ILDR1: variants seen among roughly 807,000 people sequenced by gnomAD.
ILDR1 encodes the protein immunoglobulin like domain containing receptor 1.
A neutral mutation model predicts 62.4 loss-of-function variants in ILDR1; 56 were observed. The ratio of observed to expected loss-of-function variants is 0.90; its 90% CI spans 0.72 to 1.12. The LOEUF is 1.12. Ranked by LOEUF, ILDR1 falls within the 50% of genes most tolerant of loss-of-function variation. The pLI is 0.00. For synonymous variants in ILDR1, 284 were observed against 277.8 expected (o/e 1.02, Z -0.22); for missense variants, 736 against 710.6 (o/e 1.04, Z -0.41).
At chr3:122,042,589 A>C in the ILDR1 span, among the ~76,000 whole-genome samples, 1 of 150,272 alleles carries the variant, frequency 6.7e-6, no homozygotes, top group African/African-American at 2.5e-5. Context: ...TTGTTTCCTG[A>C]CTTTTAAATG....
In ILDR1 at chr3:121,988,003, C is replaced by T; in HGVS notation, c.*364G>A. The T allele has an allele frequency of 2.7e-6, 1 of 366,622 alleles. No individual in the cohort carries two copies. Among genetic ancestry groups the T allele is most frequent in the Non-Finnish European group, 5.3e-6 (1 of 189,270 alleles). 22.7% of individuals were successfully genotyped at this position (366,622 alleles called of 1,614,324 possible). Reference sequence around the variant, plus strand: ...TCCTGGCTCATTGCAGCCTTGCACTCCTGGGCTCAAGGGATCCTTCTGCCT... The same window carrying T: ...TCCTGGCTCATTGCAGCCTTGCACTTCTGGGCTCAAGGGATCCTTCTGCCT... On this transcript the variant is annotated 3_prime_UTR_variant, in exon 8 of 8. Coordinates refer to ENST00000344209, the MANE Select transcript of ILDR1 (RefSeq NM_001199799.2).
chr3:122,006,900 T>C, intron 2 of ILDR1, 91 bp downstream of exon 2: 1 of 1,388,924 alleles, frequency 7.2e-7, no homozygotes, highest in South Asian at 1.3e-5. Context: ...CTACCAAGAT[T>C]TGTAATCCTA....
chr3:122,043,263 C>G, the ILDR1 span, among the ~76,000 whole-genome samples: 3 of 151,394 alleles, frequency 2.0e-5, no homozygotes, highest in African/African-American at 4.9e-5. Context: ...CTGTTCTGTT[C>G]CATTGATCTA....
chr3:122,007,903 A>G (rs1576728499), intron 1 of ILDR1, among the ~76,000 whole-genome samples: 1 of 151,828 alleles, frequency 6.6e-6, no homozygotes, highest in Non-Finnish European at 1.5e-5. Context: ...GGGCCTCCCT[A>G]TTTTTTTCCT....
chr3:122,061,573 G>C, the ILDR1 span, among the ~76,000 whole-genome samples: 1 of 152,038 alleles, frequency 6.6e-6, no homozygotes, highest in Non-Finnish European at 1.5e-5. Flanking sequence ...TTTCCCCAAA[G>C]AAAATATACA....
At position 121,997,124 on chromosome 3, in the gene ILDR1, C is replaced by A. The variant is rs142646242; in HGVS notation, c.647-2811G>T. On this transcript the variant is annotated intron_variant, in intron 5 of 7. Transcript: ENST00000344209. ...CCATGTTGGCCAGGCTGGTTTTGAA[C>A]TCCTGACCTCAGGCGATCTGCCTGC... 7.0e-3 allele frequency among the ~76,000 whole-genome samples: 1,064 copies of A among 152,302 alleles called. 11 individuals carry two copies. The highest frequency in any genetic ancestry group is 0.024 in the African/African-American group (994 of 41,562).
At chr3:122,040,728 A>G in the ILDR1 span, among the ~76,000 whole-genome samples, 129 of 112,762 alleles carry the variant, frequency 1.1e-3, no homozygotes, top group African/African-American at 6.1e-3. Context: ...AGATGCAAAA[A>G]AAAAAAAAGA....
chr3:122,017,167 G>A (rs1484561557), intron 1 of ILDR1, among the ~76,000 whole-genome samples: 1 of 152,154 alleles, frequency 6.6e-6, no homozygotes, highest in Non-Finnish European at 1.5e-5. Flanking sequence ...TCCTGCCTCA[G>A]CCTCCCGAGT....
chr3:122,044,905 G>T, the ILDR1 span, among the ~76,000 whole-genome samples: 38 of 148,942 alleles, frequency 2.6e-4, 1 homozygote, highest in Non-Finnish European at 2.7e-4. Flanking sequence ...GGTTTTTTGT[G>T]TCTCTATTTC....
At chr3:122,055,613 G>GGA in the ILDR1 span, 2 of 992,486 alleles carry the variant, frequency 2.0e-6, no homozygotes, top group East Asian at 4.8e-5. Flanking sequence ...GTTCCTAAGT[G>GGA]GAGAAGCTTT....
the ILDR1 span, among the ~76,000 whole-genome samples, chr3:122,040,485 A>G: frequency 6.6e-6 from 1 of 151,884 alleles, no homozygotes; most frequent in Non-Finnish European, 1.5e-5. Flanking sequence ...ATCTTAGAAA[A>G]CTGAAGAAAA....
intron 5 of ILDR1, among the ~76,000 whole-genome samples, chr3:121,994,763 G>A (rs925238935): frequency 3.9e-5 from 6 of 152,284 alleles, no homozygotes; most frequent in Middle Eastern, 6.8e-3. Flanking sequence ...TGCTCAGAGT[G>A]AAGGAAAAAG....
At chr3:122,054,333 T>G in the ILDR1 span, among the ~76,000 whole-genome samples, 1 of 152,228 alleles carries the variant, frequency 6.6e-6, no homozygotes, top group African/African-American at 2.4e-5. Context: ...TTAATTCATT[T>G]ATTATTCTGG....
At chr3:122,003,729 G>A (rs1190765902) in intron 3 of ILDR1, among the ~76,000 whole-genome samples, 1 of 152,104 alleles carries the variant, frequency 6.6e-6, no homozygotes, top group Non-Finnish European at 1.5e-5. Flanking sequence ...CAGGGTTTGA[G>A]CCAAAGGTGG....
At position 122,001,878 on chromosome 3, in the gene ILDR1, A is replaced by G. The variant is rs777602547; in HGVS notation, c.380-14T>C. 6.2e-7 allele frequency: 1 copy of G among 1,612,950 alleles called. No homozygotes were observed. Among genetic ancestry groups the G allele is most frequent in the East Asian group, 2.2e-5 (1 of 44,872 alleles). On this transcript the variant is annotated splice_polypyrimidine_tract_variant and intron_variant, in intron 3 of 7. Coordinates refer to ENST00000344209, the MANE Select transcript of ILDR1 (RefSeq NM_001199799.2). The stretch of plus-strand genomic sequence containing the variant: ...CGAGATCTGCTCCTACACAGTAAGG[A>G]GGGAGAAAGTGCCAGTGTCAGAGGA...
the ILDR1 span, among the ~76,000 whole-genome samples, chr3:122,045,083 CT>C: frequency 1.3e-5 from 2 of 152,062 alleles, no homozygotes; most frequent in Non-Finnish European, 2.9e-5. Flanking sequence ...CTACACACTG[CT>C]TTAAATGCAT....
chr3:122,022,988 G>A (rs2071886986), upstream of ILDR1, among the ~76,000 whole-genome samples: 1 of 150,680 alleles, frequency 6.6e-6, no homozygotes, highest in East Asian at 1.9e-4. Context: ...AGATAAACTA[G>A]AGAAGTTGAC....
At chr3:121,993,997 A>G (rs1339033198) in intron 6 of ILDR1, 27 bp from the exon 7 acceptor site, 1 of 1,597,378 alleles carries the variant, frequency 6.3e-7, no homozygotes, top group East Asian at 2.2e-5. Flanking sequence ...ACAGGACAAT[A>G]GAACAAATGG....
intron 2 of ILDR1, among the ~76,000 whole-genome samples, chr3:122,005,949 A>T (rs2071603813): frequency 6.6e-6 from 1 of 152,068 alleles, no homozygotes; most frequent in Non-Finnish European, 1.5e-5. Context: ...AAAAAAAACC[A>T]AAACAGAAAA....
Sources: gnomAD v4.1 joint callset for allele counts (sites outside exome capture counted in the v4.1 genomes callset) on GRCh38, gnomAD v4.1.1 for gene constraint, MANE v1.5 for transcripts, NCBI Gene and HGNC (gene_info 2026-07-23, HGNC 2026-07-21) for gene names.